Variants in MACROD2 observed in about 807,000 individuals in gnomAD.
MACROD2 encodes the protein ADP-ribose glycohydrolase MACROD2.
In MACROD2, 36 loss-of-function variants were observed where a neutral mutation model predicts 70.4. The ratio of observed to expected loss-of-function variants is 0.51; its 90% CI spans 0.39 to 0.68. The LOEUF (loss-of-function observed/expected upper bound fraction) is 0.68, where lower values mean the gene tolerates loss of function less well. Among genes scored for constraint, MACROD2 ranks in the 30% least tolerant of loss-of-function variants. MACROD2 has a pLI of 0.00. For missense variants in MACROD2, 496 were observed against 538.4 expected, an observed-to-expected ratio of 0.92 and a Z score of 0.78; for synonymous variants, 172 against 178.8, an observed-to-expected ratio of 0.96 and a Z score of 0.30.
intron 6 of MACROD2, among the ~76,000 whole-genome samples, chr20:15,259,770 T>G (rs1190004917): frequency 6.6e-6 from 1 of 151,908 alleles, no homozygotes; most frequent in African/African-American, 2.4e-5. Context: ...TTCCCTCTTC[T>G]TTTCTATTTC....
At chr20:15,750,887 G>A (rs1481316358) in intron 8 of MACROD2, among the ~76,000 whole-genome samples, 5 of 151,774 alleles carry the variant, frequency 3.3e-5, no homozygotes, top group Admixed American at 6.6e-5. Flanking sequence ...AACAAAAAAC[G>A]ACAACAACAG....
At chr20:14,184,464 G>A (rs1383039016) in intron 3 of MACROD2, among the ~76,000 whole-genome samples, 1 of 151,614 alleles carries the variant, frequency 6.6e-6, no homozygotes, top group Non-Finnish European at 1.5e-5. Flanking sequence ...GTAGTGTCAT[G>A]CCCTCGGCTT....
chr20:14,697,571 A>G (rs1488203416), intron 5 of MACROD2, among the ~76,000 whole-genome samples: 1 of 152,170 alleles, frequency 6.6e-6, no homozygotes, highest in African/African-American at 2.4e-5. Context: ...TCACACTACA[A>G]GTAATATCTT....
chr20:15,650,072 C>G (rs1012554049), intron 8 of MACROD2, among the ~76,000 whole-genome samples: 1 of 152,148 alleles, frequency 6.6e-6, no homozygotes, highest in Non-Finnish European at 1.5e-5. Flanking sequence ...TTCTAGTTCT[C>G]TCTGCTTACT....
intron 6 of MACROD2, among the ~76,000 whole-genome samples, chr20:15,259,739 C>T (rs1314535690): frequency 2.6e-5 from 4 of 152,018 alleles, no homozygotes; most frequent in Non-Finnish European, 5.9e-5. Context: ...AATTCTCTTT[C>T]ATCACACCAT....
chr20:14,088,316 G>A (rs1275672928), intron 3 of MACROD2, among the ~76,000 whole-genome samples: 2 of 113,676 alleles, frequency 1.8e-5, no homozygotes, highest in Admixed American at 2.3e-4. Context: ...GCGTCAGAGC[G>A]AGACTCCATC....
At chr20:14,671,803 A>G (rs1257246450) in intron 4 of MACROD2, among the ~76,000 whole-genome samples, 1 of 152,208 alleles carries the variant, frequency 6.6e-6, no homozygotes, top group Non-Finnish European at 1.5e-5. Flanking sequence ...TGAAGCTTCA[A>G]GATGTGGATC....
At chr20:15,608,195 C>G (rs2048919983) in intron 8 of MACROD2, among the ~76,000 whole-genome samples, 1 of 152,184 alleles carries the variant, frequency 6.6e-6, no homozygotes, top group Non-Finnish European at 1.5e-5. Flanking sequence ...GTGATAACGT[C>G]CTGTATCTTC....
At chr20:14,012,697 T>C (rs1409295319) in intron 2 of MACROD2, among the ~76,000 whole-genome samples, 1 of 152,190 alleles carries the variant, frequency 6.6e-6, no homozygotes, top group Admixed American at 6.5e-5. Context: ...TTTATGGTAT[T>C]GCACTAAACA....
At chr20:15,555,139 A>AGTGG (rs1393351361) in intron 8 of MACROD2, among the ~76,000 whole-genome samples, 1 of 152,130 alleles carries the variant, frequency 6.6e-6, no homozygotes, top group Non-Finnish European at 1.5e-5. Flanking sequence ...AGGGGATCCC[A>AGTGG]GTGGGTGGGT....
chr20:15,449,137 G>C (rs1249939690), intron 7 of MACROD2, among the ~76,000 whole-genome samples: 1 of 152,076 alleles, frequency 6.6e-6, no homozygotes, highest in African/African-American at 2.4e-5. Context: ...TGGCATCCCT[G>C]TCCCCTCACC....
intron 5 of MACROD2, among the ~76,000 whole-genome samples, chr20:14,853,631 T>TC (rs1290711211): frequency 2.0e-5 from 3 of 152,164 alleles, no homozygotes; most frequent in Non-Finnish European, 2.9e-5. Flanking sequence ...TTTCTTTTTT[T>TC]CTCCTCTTTT....
At chr20:14,349,844 T>A (rs1601517943) in intron 3 of MACROD2, among the ~76,000 whole-genome samples, 1 of 141,414 alleles carries the variant, frequency 7.1e-6, no homozygotes, top group African/African-American at 2.7e-5. Flanking sequence ...CAGGCTGGAG[T>A]GCAATGCGAT....
chr20:14,557,265 A>G (rs1230201873), intron 4 of MACROD2, among the ~76,000 whole-genome samples: 1 of 151,978 alleles, frequency 6.6e-6, no homozygotes, highest in Non-Finnish European at 1.5e-5. Flanking sequence ...CTAAAGCTAT[A>G]AAACTCTCAG....
chr20:15,396,509 TAGA>T (rs2045862139), intron 6 of MACROD2, among the ~76,000 whole-genome samples: 1 of 152,188 alleles, frequency 6.6e-6, no homozygotes, highest in East Asian at 1.9e-4. Flanking sequence ...TATAGAATCT[TAGA>T]AGAGGAAGGA....
intron 8 of MACROD2, among the ~76,000 whole-genome samples, chr20:15,602,678 TGAG>T (rs1185280573): frequency 1.3e-5 from 2 of 152,122 alleles, no homozygotes; most frequent in Non-Finnish European, 2.9e-5. Context: ...AGAAGCCTCT[TGAG>T]GAGAGAGTAG....
At chr20:14,196,445 C>T (rs915251528) in intron 3 of MACROD2, among the ~76,000 whole-genome samples, 13 of 152,148 alleles carry the variant, frequency 8.5e-5, no homozygotes, top group African/African-American at 2.9e-4. Context: ...ATTAAAATTA[C>T]GTTTGTTATA....
chr20:15,793,455 G>A (rs1308098968), intron 8 of MACROD2, among the ~76,000 whole-genome samples: 3 of 152,086 alleles, frequency 2.0e-5, no homozygotes, highest in Non-Finnish European at 4.4e-5. Flanking sequence ...AATAGTATAT[G>A]TATTTCTTTT....
At chr20:14,322,486 A>G (rs1349116916) in intron 3 of MACROD2, among the ~76,000 whole-genome samples, 1 of 147,328 alleles carries the variant, frequency 6.8e-6, no homozygotes, top group Non-Finnish European at 1.5e-5. Flanking sequence ...CCTGACTTCT[A>G]GCAGAACTAT....
Sources: gnomAD v4.1 joint callset for allele counts (sites outside exome capture counted in the v4.1 genomes callset) on GRCh38, gnomAD v4.1.1 for gene constraint, MANE v1.5 for transcripts, NCBI Gene and HGNC (gene_info 2026-07-23, HGNC 2026-07-21) for gene names.